The following AK4 variants were observed in gnomAD, a reference collection of about 807,000 sequenced individuals.
AK4 encodes adenylate kinase 4.
In AK4, 13 loss-of-function variants were observed where a neutral mutation model predicts 24.6. That is an observed-to-expected ratio of 0.53 (90% CI 0.34 to 0.84). The LOEUF (loss-of-function observed/expected upper bound fraction) is 0.84. AK4 is among the 40% of genes least tolerant of loss of function. The probability of loss-of-function intolerance (pLI) is 0.01; values close to 1 mark genes in which losing one functional copy is unlikely to be tolerated. For synonymous variants in AK4, 88 were observed against 107.0 expected (o/e 0.82, Z 1.10); for missense variants, 192 against 288.2 (o/e 0.67, Z 2.42).
intron 1 of AK4, among the ~76,000 whole-genome samples, chr1:65,186,166 C>T (rs56804535): frequency 0.024 from 3,651 of 152,062 alleles, 149 homozygotes; most frequent in African/African-American, 0.083. Flanking sequence ...GACAGAGTCT[C>T]GCTCTGTCGC....
intron 3 of AK4, among the ~76,000 whole-genome samples, chr1:65,224,119 A>G (rs551574964): frequency 1.1e-4 from 17 of 152,376 alleles, no homozygotes; most frequent in African/African-American, 3.6e-4. Flanking sequence ...TAACAAATCC[A>G]ACACCAGCTT....
At chr1:65,218,713 G>A in intron 2 of AK4, 41 bp from the exon 3 acceptor site, 1 of 1,535,454 alleles carries the variant, frequency 6.5e-7, no homozygotes, top group Non-Finnish European at 8.8e-7. Flanking sequence ...TTGGAACTGG[G>A]CAATAGCTTG....
At chr1:65,190,591 C>T in intron 1 of AK4, 119 bp from the exon 2 acceptor site, 5 of 1,192,432 alleles carry the variant, frequency 4.2e-6, no homozygotes, top group African/African-American at 3.1e-5. Context: ...ATGTCTACAA[C>T]TTCCTAGGAA....
chr1:65,224,021 T>C (rs1298181901), intron 3 of AK4, among the ~76,000 whole-genome samples: 2 of 151,550 alleles, frequency 1.3e-5, no homozygotes, highest in Non-Finnish European at 2.9e-5. Context: ...AAATAAAACC[T>C]GTATTAATCA....
intron 1 of AK4, among the ~76,000 whole-genome samples, chr1:65,172,855 A>ACTT (rs1408297416): frequency 5.4e-5 from 6 of 110,912 alleles, no homozygotes; most frequent in Non-Finnish European, 1.0e-4. Flanking sequence ...CCAGCAAGAG[A>ACTT]TTTTTTTTTT....
intron 1 of AK4, chr1:65,154,557 C>T: frequency 1.9e-6 from 1 of 523,698 alleles, no homozygotes. Flanking sequence ...TCTGTTCAAA[C>T]CGGCACTGTC....
intron 1 of AK4, among the ~76,000 whole-genome samples, chr1:65,170,261 G>C (rs985611505): frequency 6.6e-6 from 1 of 152,120 alleles, no homozygotes; most frequent in Admixed American, 6.5e-5. Context: ...CCAGCTACTC[G>C]GGAGGCTGAG....
chr1:65,183,221 T>C (rs1193289828), intron 1 of AK4, among the ~76,000 whole-genome samples: 6 of 152,138 alleles, frequency 3.9e-5, no homozygotes, highest in Non-Finnish European at 7.3e-5. Context: ...GTATTTTGGA[T>C]CTTTACATAT....
intron 1 of AK4, among the ~76,000 whole-genome samples, chr1:65,163,715 T>C (rs542163003): frequency 1.3e-5 from 2 of 152,326 alleles, no homozygotes; most frequent in South Asian, 2.1e-4. Context: ...GTAATCCACG[T>C]AGAGCTGGCT....
In AK4 at chr1:65,148,569, ACGAGGGCCGGGGG is replaced by A; in HGVS notation, c.145+22_145+34del. The A allele has an allele frequency of 1.3e-6, 2 of 1,589,730 alleles. No individual in the cohort carries two copies. The highest frequency in any genetic ancestry group is 1.7e-6 in the Non-Finnish European group (2 of 1,167,792). On this transcript the variant is annotated intron_variant, in intron 1 of 4. Transcript: ENST00000327299. ...CCAGCACCGGTGAGGGGCTGCGGGG[ACGAGGGCCGGGGG>A]CGAGCCGCGTTGGGCTGGGGTGAGG...
chr1:65,213,134 A>T (rs748296235), intron 2 of AK4, among the ~76,000 whole-genome samples: 9 of 152,182 alleles, frequency 5.9e-5, no homozygotes, highest in Non-Finnish European at 1.3e-4. Context: ...CTGCACGTGC[A>T]CTAGTTCCTT....
chr1:65,170,648 G>A (rs1360199577), intron 1 of AK4, among the ~76,000 whole-genome samples: 1 of 152,174 alleles, frequency 6.6e-6, no homozygotes, highest in African/African-American at 2.4e-5. Flanking sequence ...TAGTCGGCGC[G>A]AGATGTTCTA....
intron 2 of AK4, among the ~76,000 whole-genome samples, chr1:65,213,641 A>G (rs948041875): frequency 1.3e-5 from 2 of 152,234 alleles, no homozygotes; most frequent in African/African-American, 4.8e-5. Flanking sequence ...CCATGTGCCC[A>G]GCACTTTGCA....
chr1:65,192,590 G>C (rs963028260), intron 2 of AK4, among the ~76,000 whole-genome samples: 1 of 152,074 alleles, frequency 6.6e-6, no homozygotes, highest in Non-Finnish European at 1.5e-5. Flanking sequence ...AGCCCCCAAA[G>C]TCTTAACTTA....
intron 1 of AK4, among the ~76,000 whole-genome samples, chr1:65,162,569 G>A (rs922400116): frequency 1.3e-5 from 2 of 151,820 alleles, no homozygotes; most frequent in Non-Finnish European, 1.5e-5. Flanking sequence ...AGGGCCGGGC[G>A]CAGTGGCACA....
chr1:65,200,464 A>G (rs1651628980), intron 2 of AK4, among the ~76,000 whole-genome samples: 1 of 152,148 alleles, frequency 6.6e-6, no homozygotes, highest in Admixed American at 6.5e-5. Flanking sequence ...TACACAGGAA[A>G]TACCACTATT....
At position 65,148,316 on chromosome 1, in the gene AK4, G is replaced by A; in HGVS notation, c.-92G>A. The A allele has an allele frequency of 1.1e-5, 16 of 1,459,346 alleles. No homozygotes were observed. Among genetic ancestry groups the A allele is most frequent in the African/African-American group, 1.5e-5 (1 of 66,912 alleles). The allele number at this position is 1,459,346 out of a possible 1,614,324, so 90.4% of individuals were successfully genotyped here. On this transcript the variant is annotated 5_prime_UTR_variant, in exon 1 of 5. Coordinates refer to ENST00000327299, the MANE Select transcript of AK4 (RefSeq NM_013410.4). ...GTCCCAGTGAGAGCGGAGGGTGCCA[G>A]AGGTAGGGGGCCGAGAAACAAAGTT...
chr1:65,166,310 C>CT (rs1486355732), intron 1 of AK4, among the ~76,000 whole-genome samples: 1 of 143,008 alleles, frequency 7.0e-6, no homozygotes, highest in Non-Finnish European at 1.5e-5. Flanking sequence ...GGGATTTAAG[C>CT]TGTGTGTGTG....
At chr1:65,158,765 C>A (rs946717906) in intron 1 of AK4, among the ~76,000 whole-genome samples, 17 of 152,058 alleles carry the variant, frequency 1.1e-4, no homozygotes, top group African/African-American at 4.1e-4. Flanking sequence ...CCTAGGCCTC[C>A]CAAAGTGCTG....
Sources: gnomAD v4.1 joint callset for allele counts (sites outside exome capture counted in the v4.1 genomes callset) on GRCh38, gnomAD v4.1.1 for gene constraint, MANE v1.5 for transcripts, NCBI Gene and HGNC (gene_info 2026-07-23, HGNC 2026-07-21) for gene names.